The following DLGAP1 variants were observed in gnomAD, a reference collection of about 807,000 sequenced individuals.
The protein encoded by DLGAP1 is disks large-associated protein 1.
A neutral mutation model predicts 90.8 loss-of-function variants in DLGAP1; 11 were observed. The ratio of observed to expected loss-of-function variants is 0.12; its 90% CI spans 0.08 to 0.20. The LOEUF is 0.20. DLGAP1 is among the 10% of genes least tolerant of loss of function. The pLI, the probability that DLGAP1 is intolerant of heterozygous loss-of-function variation, is 1.00. For synonymous variants in DLGAP1, 558 were observed against 540.7 expected (o/e 1.03, Z -0.44); for missense variants, 1,050 against 1,333.8 (o/e 0.79, Z 3.31).
intron 1 of DLGAP1, among the ~76,000 whole-genome samples, chr18:4,387,378 C>A (rs552032406): frequency 6.6e-6 from 1 of 152,124 alleles, no homozygotes; most frequent in South Asian, 2.1e-4. Context: ...TTAAGCTGGG[C>A]CATATATGTG....
At chr18:4,048,555 G>GT (rs1458341889) in intron 2 of DLGAP1, among the ~76,000 whole-genome samples, 102 of 152,290 alleles carry the variant, frequency 6.7e-4, no homozygotes, top group African/African-American at 2.3e-3. Context: ...CTTAAGGAGG[G>GT]TTTTTGGTAA....
chr18:3,611,967 C>A (rs1170406021), intron 7 of DLGAP1, among the ~76,000 whole-genome samples: 2 of 152,242 alleles, frequency 1.3e-5, no homozygotes, highest in East Asian at 3.8e-4. Context: ...ACCATGGTAA[C>A]AAGCCAGAGG....
At chr18:4,008,251 T>C (rs879456991) in intron 2 of DLGAP1, among the ~76,000 whole-genome samples, 1 of 137,308 alleles carries the variant, frequency 7.3e-6, no homozygotes, top group Admixed American at 7.2e-5. Flanking sequence ...ACACACACAC[T>C]CACACACACA....
intron 3 of DLGAP1, among the ~76,000 whole-genome samples, chr18:3,892,320 G>A (rs961639924): frequency 4.6e-5 from 7 of 151,894 alleles, no homozygotes; most frequent in Admixed American, 2.6e-4. Flanking sequence ...TCCCTGACCC[G>A]GCGTCCATCT....
intron 1 of DLGAP1, among the ~76,000 whole-genome samples, chr18:4,407,855 A>G (rs1453138377): frequency 7.1e-6 from 1 of 140,606 alleles, no homozygotes; most frequent in Non-Finnish European, 1.5e-5. Context: ...AGTGAGACTC[A>G]GTCTCTAAAT....
chr18:3,707,014 A>T (rs1338750926), intron 7 of DLGAP1, among the ~76,000 whole-genome samples: 1 of 152,238 alleles, frequency 6.6e-6, no homozygotes, highest in Non-Finnish European at 1.5e-5. Flanking sequence ...GAATGACATC[A>T]AAGTATTACG....
chr18:4,215,219 ATTAAT>A (rs1472518320), intron 1 of DLGAP1, among the ~76,000 whole-genome samples: 2 of 152,202 alleles, frequency 1.3e-5, no homozygotes, highest in African/African-American at 4.8e-5. Flanking sequence ...TTTTTATTGC[ATTAAT>A]TTAAATTAAA....
At chr18:3,765,569 CACGCCTGTAAT>C (rs1405604711) in intron 5 of DLGAP1, among the ~76,000 whole-genome samples, 1 of 152,086 alleles carries the variant, frequency 6.6e-6, no homozygotes, top group Non-Finnish European at 1.5e-5. Flanking sequence ...CACGGTGGCT[CACGCCTGTAAT>C]CCCAGCACTT....
At chr18:4,055,542 G>GTT (rs5822789) in intron 2 of DLGAP1, among the ~76,000 whole-genome samples, 3 of 151,672 alleles carry the variant, frequency 2.0e-5, no homozygotes, top group Non-Finnish European at 4.4e-5. Flanking sequence ...TGCAGTATTT[G>GTT]TTTTTTTTGT....
intron 5 of DLGAP1, among the ~76,000 whole-genome samples, chr18:3,745,178 G>A (rs915757609): frequency 1.3e-5 from 2 of 152,150 alleles, no homozygotes; most frequent in East Asian, 1.9e-4. Flanking sequence ...AGAGCTGGGC[G>A]GGGAAAGCAT....
At chr18:3,754,966 T>C (rs917510046) in intron 5 of DLGAP1, among the ~76,000 whole-genome samples, 2 of 152,078 alleles carry the variant, frequency 1.3e-5, no homozygotes, top group Non-Finnish European at 1.5e-5. Flanking sequence ...AGACCATGCA[T>C]GGCACCATTT....
intron 1 of DLGAP1, among the ~76,000 whole-genome samples, chr18:4,363,857 AG>A (rs200250100): frequency 0.21 from 32,643 of 152,048 alleles, 4,370 homozygotes; most frequent in South Asian, 0.41. Context: ...GCGATTCCTC[AG>A]GGATCTAGAA....
At chr18:4,429,111 A>T (rs1023015017) in intron 1 of DLGAP1, among the ~76,000 whole-genome samples, 1 of 152,224 alleles carries the variant, frequency 6.6e-6, no homozygotes, top group Non-Finnish European at 1.5e-5. Flanking sequence ...TACCTTTGCA[A>T]TGAAATCTAT....
At chr18:3,866,220 T>C (rs955625459) in intron 4 of DLGAP1, among the ~76,000 whole-genome samples, 2 of 152,230 alleles carry the variant, frequency 1.3e-5, no homozygotes, top group African/African-American at 4.8e-5. Flanking sequence ...TCTGGACTGC[T>C]GCTGCTGCTG....
chr18:3,858,662 G>A (rs1448773188), intron 4 of DLGAP1, among the ~76,000 whole-genome samples: 1 of 151,982 alleles, frequency 6.6e-6, no homozygotes, highest in Non-Finnish European at 1.5e-5. Flanking sequence ...ATAAAGTTAA[G>A]AGACTGATAA....
At chr18:3,624,598 G>A (rs925340579) in intron 7 of DLGAP1, among the ~76,000 whole-genome samples, 4 of 152,054 alleles carry the variant, frequency 2.6e-5, no homozygotes, top group Non-Finnish European at 4.4e-5. Flanking sequence ...TCCCACAAAT[G>A]TTAAGCATTA....
chr18:3,576,184 G>T (rs914055723), intron 8 of DLGAP1, among the ~76,000 whole-genome samples: 10 of 151,980 alleles, frequency 6.6e-5, no homozygotes, highest in African/African-American at 2.2e-4. Flanking sequence ...AAGAAGAGAA[G>T]AAACTTCCTT....
At chr18:3,853,180 A>T (rs1390600513) in intron 4 of DLGAP1, among the ~76,000 whole-genome samples, 11 of 152,124 alleles carry the variant, frequency 7.2e-5, no homozygotes. Context: ...GTTGTTATGG[A>T]TATATTCAAG....
At chr18:4,003,134 G>A (rs774726981) in intron 3 of DLGAP1, among the ~76,000 whole-genome samples, 5 of 152,154 alleles carry the variant, frequency 3.3e-5, no homozygotes, top group East Asian at 1.9e-4. Context: ...ATGACCCCTC[G>A]TGGGAACATA....
Sources: gnomAD v4.1 joint callset for allele counts (sites outside exome capture counted in the v4.1 genomes callset) on GRCh38, gnomAD v4.1.1 for gene constraint, MANE v1.5 for transcripts, NCBI Gene and HGNC (gene_info 2026-07-23, HGNC 2026-07-21) for gene names.